The following SNX16 variants were observed in gnomAD, a reference collection of about 807,000 sequenced individuals.
SNX16 encodes sorting nexin-16.
SNX16 carries 35 observed loss-of-function variants against 36.7 expected under a neutral mutation model. The observed-to-expected ratio is 0.95, with a 90% confidence interval of 0.73 to 1.27. SNX16 has a LOEUF of 1.27. Among genes scored for constraint, SNX16 ranks in the 50% most tolerant of loss-of-function variants. SNX16 has a pLI of 0.00. For missense variants in SNX16, 367 were observed against 393.6 expected (o/e 0.93, Z 0.57); for synonymous variants, 134 against 132.0 (o/e 1.02, Z -0.10).
At chr8:81,803,898 A>C (rs182824012) in intron 5 of SNX16, among the ~76,000 whole-genome samples, 141 of 152,038 alleles carry the variant, frequency 9.3e-4, no homozygotes, top group Non-Finnish European at 4.9e-4. Flanking sequence ...TGAAGAATCT[A>C]ATCTAAAAAG....
chr8:81,816,903 A>C (rs1289989484), intron 4 of SNX16, among the ~76,000 whole-genome samples: 1 of 152,124 alleles, frequency 6.6e-6, no homozygotes, highest in African/African-American at 2.4e-5. Context: ...CTCTCTGAAA[A>C]CATCTGATTT....
chr8:81,841,066 C>A (rs1193618652), intron 1 of SNX16, among the ~76,000 whole-genome samples: 1 of 152,214 alleles, frequency 6.6e-6, no homozygotes, highest in Non-Finnish European at 1.5e-5. Context: ...CTGGGCTGGG[C>A]GCTGTGGCTC....
chr8:81,835,314 G>A (rs187279882), intron 2 of SNX16, among the ~76,000 whole-genome samples: 370 of 152,334 alleles, frequency 2.4e-3, no homozygotes, highest in African/African-American at 8.6e-3. Context: ...CTTGTGATGG[G>A]AGGGGCTGCC....
At chr8:81,811,839 G>T (rs761130250) in intron 5 of SNX16, among the ~76,000 whole-genome samples, 1 of 151,950 alleles carries the variant, frequency 6.6e-6, no homozygotes, top group East Asian at 1.9e-4. Flanking sequence ...ATCTCTAAAC[G>T]GCCCCAAATG....
intron 5 of SNX16, among the ~76,000 whole-genome samples, chr8:81,807,254 C>T (rs1809995024): frequency 6.6e-6 from 1 of 152,010 alleles, no homozygotes; most frequent in Non-Finnish European, 1.5e-5. Flanking sequence ...CATGGTGGCT[C>T]ATGCCTGTAA....
chr8:81,814,505 G>A (rs967198575), intron 5 of SNX16: 2 of 151,988 alleles, frequency 1.3e-5, no homozygotes, highest in Non-Finnish European at 2.9e-5. Flanking sequence ...ATGGCTTATA[G>A]GAATTCTTTT....
chr8:81,804,807 T>A (rs1349991957), intron 5 of SNX16, among the ~76,000 whole-genome samples: 1 of 152,112 alleles, frequency 6.6e-6, no homozygotes, highest in Admixed American at 6.5e-5. Context: ...TCTGACAGAA[T>A]GCAGTTCAAG....
intron 5 of SNX16, among the ~76,000 whole-genome samples, chr8:81,810,595 G>A (rs1810192237): frequency 6.6e-6 from 1 of 152,152 alleles, no homozygotes; most frequent in African/African-American, 2.4e-5. Context: ...ATTTATTTTA[G>A]AGAAAGAGTC....
At position 81,801,625 on chromosome 8, in the gene SNX16, A is replaced by G. The variant is rs1202531735; in HGVS notation, c.939-32T>C. The G allele has an allele frequency of 4.6e-6, 6 of 1,294,920 alleles. No individual in the cohort carries two copies. The African/African-American group carries it at 7.5e-5, about 16-fold the overall frequency. The allele number at this position is 1,294,920 out of a possible 1,614,324, so 80.2% of individuals were successfully genotyped here. A position where few individuals can be genotyped will look rare whatever the true frequency, so the allele number is the denominator to read the frequency against. On this transcript the variant is annotated intron_variant, in intron 7 of 7. Transcript: ENST00000345957. ...AAAAAAAAAAAAAAGGAACATATCA[A>G]TGATGGGACTGGATGCATGCTATTA...
In SNX16 at chr8:81,802,961, T is replaced by C; in HGVS notation, c.818+131A>G. The stretch of plus-strand genomic sequence containing the variant: ...GCTAAATAAAGCATAATTTTCCCAA[T>C]GAAGTATGCCAAAAGCCTACAACTT... On this transcript the variant is annotated intron_variant, in intron 6 of 7. Transcript: ENST00000345957. 4 of 767,950 alleles carry C rather than the reference T, an allele frequency of 5.2e-6. No homozygotes were observed. In the South Asian group the frequency reaches 1.2e-4, roughly 22 times the overall value. The allele number at this position is 767,950 out of a possible 1,614,324, so 47.6% of individuals were successfully genotyped here.
At chr8:81,816,484 C>T (rs901308873) in intron 4 of SNX16, among the ~76,000 whole-genome samples, 11 of 152,098 alleles carry the variant, frequency 7.2e-5, no homozygotes, top group African/African-American at 2.6e-4. Context: ...ACCACCGCGA[C>T]CGCACCCAGC....
At chr8:81,834,045 G>A (rs2130756223) in intron 2 of SNX16, among the ~76,000 whole-genome samples, 1 of 152,276 alleles carries the variant, frequency 6.6e-6, no homozygotes, top group East Asian at 1.9e-4. Context: ...TCCATTTCAT[G>A]CTGCTGAGAG....
intron 5 of SNX16, among the ~76,000 whole-genome samples, chr8:81,806,423 T>C (rs1809949321): frequency 1.3e-5 from 2 of 152,152 alleles, no homozygotes; most frequent in South Asian, 4.1e-4. Context: ...TATGATCATC[T>C]ATACAGATGC....
intron 5 of SNX16, chr8:81,808,038 T>C (rs548185982): frequency 1.1e-6 from 1 of 898,976 alleles, no homozygotes; most frequent in East Asian, 2.4e-5. Flanking sequence ...CAAAGAGAGC[T>C]GTCTCAAGGG....
Position 81,823,934 on chromosome 8 carries a change from CTT to C in SNX16, c.467_468del (p.Lys156ArgfsTer17). ...TDFSRLNDKL[K>X]EMFPGFRLAL... ...GCTAGTCGAAAACCTGGAAACATCT[CTT>C]TTAACTGAAAAAGAAGAAAAGAGCA... On this transcript the variant is annotated frameshift_variant, in exon 4 of 8. Coordinates refer to ENST00000345957, the MANE Select transcript of SNX16 (RefSeq NM_152836.3). LOFTEE classifies it high-confidence loss of function. 3 of 1,606,212 alleles carry C rather than the reference CTT, an allele frequency of 1.9e-6. No individual in the cohort carries two copies. The highest frequency in any genetic ancestry group is 2.5e-6 in the Non-Finnish European group (3 of 1,177,594).
intron 5 of SNX16, 138 bp from the exon 6 acceptor site, chr8:81,803,366 T>C (rs1809793781): frequency 1.1e-6 from 1 of 902,182 alleles, no homozygotes; most frequent in African/African-American, 1.7e-5. Flanking sequence ...AAACTCCAAA[T>C]GATTTGTTCT....
In SNX16 at chr8:81,830,579, T is replaced by TA. The variant is rs752827905; in HGVS notation, c.376-1064dup. On this transcript the variant is annotated intron_variant, in intron 2 of 7. Transcript: ENST00000345957. ...ACAGAGCAAGACTCCGTCTAGGGGGTAAAAAAAAAAAAAAAAAAAAAAGAG... is the reference window on the plus strand; with the variant it reads ...ACAGAGCAAGACTCCGTCTAGGGGGTAAAAAAAAAAAAAAAAAAAAAAAGAG... Among the ~76,000 whole-genome samples the TA allele has an allele frequency of 6.1e-3, 549 of 90,184 alleles. 4 individuals are homozygous for TA. Among genetic ancestry groups the TA allele is most frequent in the South Asian group, 0.034 (97 of 2,862 alleles). 59.2% of individuals were successfully genotyped at this position (90,184 alleles called of 152,430 possible). A position where few individuals can be genotyped will look rare whatever the true frequency, so the allele number is the denominator to read the frequency against.
chr8:81,824,923 T>C (rs1810944738), intron 3 of SNX16, among the ~76,000 whole-genome samples: 1 of 152,172 alleles, frequency 6.6e-6, no homozygotes, highest in Non-Finnish European at 1.5e-5. Context: ...TTCACTCACT[T>C]ACATCTATAG....
chr8:81,839,919 C>T lies in SNX16; in HGVS notation c.68G>A (p.Arg23Lys). 6.2e-7 allele frequency: 1 copy of T among 1,613,928 alleles called. No homozygotes were observed. The highest frequency in any genetic ancestry group is 1.1e-5 in the South Asian group (1 of 91,072). ...GNSASSFTTN[R>K]NQRSSSFGSV... ...GCCAAAAGAAGAACTTCTTTGATTT[C>T]TGTTTGTTGTAAAACTGGAAGCAGA... The change falls in exon 2 of 8, where the codon AGA becomes AAA. Residue 23 changes from arginine (R) to lysine (K), a missense_variant. Physicochemically the swap from Arg to Lys is conservative, Grantham distance 26 (BLOSUM62 2). Coordinates refer to ENST00000345957, the MANE Select transcript of SNX16 (RefSeq NM_152836.3).
Sources: gnomAD v4.1 joint callset for allele counts (sites outside exome capture counted in the v4.1 genomes callset) on GRCh38, gnomAD v4.1.1 for gene constraint, MANE v1.5 for transcripts, NCBI Gene and HGNC (gene_info 2026-07-23, HGNC 2026-07-21) for gene names.